Variants in TMEM201 observed in about 807,000 individuals in gnomAD.
TMEM201 encodes transmembrane protein 201.
In TMEM201, 26 loss-of-function variants were observed where a neutral mutation model predicts 63.4. The ratio of observed to expected loss-of-function variants is 0.41; its 90% CI spans 0.30 to 0.57. The LOEUF (loss-of-function observed/expected upper bound fraction) is 0.57. TMEM201 is among the 20% of genes least tolerant of loss of function. The pLI is 0.29. For missense variants in TMEM201, 794 were observed against 917.7 expected, an observed-to-expected ratio of 0.87 and a Z score of 1.74; for synonymous variants, 417 against 421.6, an observed-to-expected ratio of 0.99 and a Z score of 0.14.
Position 9,603,853 on chromosome 1 carries a change from G to A in TMEM201, c.1160+1581G>A, listed in dbSNP as rs1461846051. 1 of 985,350 alleles carries A rather than the reference G, an allele frequency of 1.0e-6. No homozygotes were observed. Among genetic ancestry groups the A allele is most frequent in the East Asian group, 1.1e-4 (1 of 8,826 alleles). 61.0% of individuals were successfully genotyped at this position (985,350 alleles called of 1,614,324 possible). A position where few individuals can be genotyped will look rare whatever the true frequency, so the allele number is the denominator to read the frequency against. ...GATGACCTGCGTGGCTTCAGACAAGGCCCCAGCGTTACTGGGCTCAGCTTG... is the reference window on the plus strand; with the variant it reads ...GATGACCTGCGTGGCTTCAGACAAGACCCCAGCGTTACTGGGCTCAGCTTG... On this transcript the variant is annotated intron_variant, in intron 6 of 10. Transcript: ENST00000340381. The surrounding 1 kb of genome is among the most constrained non-coding windows in gnomAD (Gnocchi z 4.5).
Position 9,588,921 on chromosome 1 carries a change from G to T in TMEM201, c.-10G>T. 3.2e-6 allele frequency: 4 copies of T among 1,260,962 alleles called. No homozygotes were observed. The highest frequency in any genetic ancestry group is 4.1e-6 in the Non-Finnish European group (4 of 982,750). The allele number at this position is 1,260,962 out of a possible 1,614,324, so 78.1% of individuals were successfully genotyped here. A position where few individuals can be genotyped will look rare whatever the true frequency, so the allele number is the denominator to read the frequency against. On this transcript the variant is annotated 5_prime_UTR_variant, in exon 1 of 11. Transcript: ENST00000340381. Reference sequence around the variant, plus strand: ...CCCTGCCGGCCTGCCGTCCTTCCACGCGGAGAGCCATGGAGGGAGTGAGCG... The same window carrying T: ...CCCTGCCGGCCTGCCGTCCTTCCACTCGGAGAGCCATGGAGGGAGTGAGCG...
rs1304963128 is a variant in TMEM201, at chr1:9,610,304, G to A, written c.1466-202G>A. 6.6e-6 allele frequency among the ~76,000 whole-genome samples: 1 copy of A among 152,142 alleles called. No homozygotes were observed. The highest frequency in any genetic ancestry group is 1.5e-5 in the Non-Finnish European group (1 of 68,010). On this transcript the variant is annotated intron_variant, in intron 8 of 10. Coordinates refer to ENST00000340381, the MANE Select transcript of TMEM201 (RefSeq NM_001130924.3). The surrounding 1 kb of genome is among the most constrained non-coding windows in gnomAD (Gnocchi z 4.9). ...GCAGAAGGCCATGGCTGAGGCTCCGGGATCTCTCCTCTCCCTCAGGTGCCT... is the reference window on the plus strand; with the variant it reads ...GCAGAAGGCCATGGCTGAGGCTCCGAGATCTCTCCTCTCCCTCAGGTGCCT...
intron 4 of TMEM201, 148 bp from the exon 5 acceptor site, chr1:9,600,957 C>T (rs112383376): frequency 1.4e-5 from 9 of 639,680 alleles, no homozygotes; most frequent in Non-Finnish European, 2.2e-5. Context: ...TGAGGCGGGC[C>T]GGTGGAACTG....
At chr1:9,593,113 C>A (rs1264936018) in intron 1 of TMEM201, among the ~76,000 whole-genome samples, 2 of 152,200 alleles carry the variant, frequency 1.3e-5, no homozygotes, top group African/African-American at 4.8e-5. Flanking sequence ...TCTCCCAGAG[C>A]AAAAACAGGG....
rs1030303591 is a variant in TMEM201 at position 9,602,384 on chromosome 1, C to T, written c.1160+112C>T. On this transcript the variant is annotated intron_variant, in intron 6 of 10. Transcript: ENST00000340381. ...TCCTGCCTCTTTTCACCTGCTCACGCCCTCCCACCCCCACCCTACAGCCCC... is the reference window on the plus strand; with the variant it reads ...TCCTGCCTCTTTTCACCTGCTCACGTCCTCCCACCCCCACCCTACAGCCCC... The T allele has an allele frequency of 9.4e-6, 14 of 1,487,548 alleles. No homozygotes were observed. In the Admixed American group the frequency reaches 2.4e-4, roughly 26 times the overall value. The allele number at this position is 1,487,548 out of a possible 1,614,324, so 92.1% of individuals were successfully genotyped here.
intron 6 of TMEM201, chr1:9,606,467 G>A (rs1278907712): frequency 6.6e-6 from 1 of 152,234 alleles, no homozygotes; most frequent in East Asian, 1.9e-4. Context: ...AACTTTTTTA[G>A]AGGGAAAGTA....
Position 9,604,526 on chromosome 1 carries a change from T to TGTCA in TMEM201, c.1160+2255_1160+2258dup. On this transcript the variant is annotated intron_variant, in intron 6 of 10. Transcript: ENST00000340381. This position sits in a 1 kb window ranked among gnomAD's most constrained non-coding sequence, Gnocchi z 4.1. Reference sequence around the variant, plus strand: ...TGTTGTGGCTTGTTGACCGGGAATGTGTCACCCCTGCCAGGGAACTCTTCT... The same window carrying TGTCA: ...TGTTGTGGCTTGTTGACCGGGAATGTGTCAGTCACCCCTGCCAGGGAACTCTTCT... 23 of 985,460 alleles carry TGTCA rather than the reference T, an allele frequency of 2.3e-5. No individual in the cohort carries two copies. Among genetic ancestry groups the TGTCA allele is most frequent in the Non-Finnish European group, 2.8e-5 (23 of 829,954 alleles). 61.0% of individuals were successfully genotyped at this position (985,460 alleles called of 1,614,324 possible).
At chr1:9,601,699 G>A (rs960481009) in intron 5 of TMEM201, among the ~76,000 whole-genome samples, 7 of 152,138 alleles carry the variant, frequency 4.6e-5, no homozygotes, top group Non-Finnish European at 7.4e-5. Flanking sequence ...TCTCCTCCTC[G>A]GGCTCTGTCA....
chr1:9,599,873 C>T (rs1243825370), intron 4 of TMEM201, among the ~76,000 whole-genome samples: 1 of 152,248 alleles, frequency 6.6e-6, no homozygotes, highest in Non-Finnish European at 1.5e-5. Flanking sequence ...GCTGACATTA[C>T]AGGCGTGAGC....
intron 10 of TMEM201, among the ~76,000 whole-genome samples, chr1:9,612,693 T>C (rs1404166743): frequency 6.6e-6 from 1 of 152,120 alleles, no homozygotes; most frequent in East Asian, 1.9e-4. Flanking sequence ...AAAGTGGCCA[T>C]TGTGGTCACT....
At chr1:9,611,952 C>G in intron 10 of TMEM201, 62 bp downstream of exon 10, 1 of 1,464,726 alleles carries the variant, frequency 6.8e-7, no homozygotes, top group Non-Finnish European at 9.0e-7. Context: ...ACCATCTCCC[C>G]CAGGGGGGTC....
chr1:9,589,815 G>A (rs967246119), intron 1 of TMEM201, among the ~76,000 whole-genome samples: 3 of 152,356 alleles, frequency 2.0e-5, no homozygotes, highest in Non-Finnish European at 4.4e-5. Context: ...CAGAGGGCAG[G>A]GGGGAAAGTG....
At chr1:9,602,454 C>T (rs1385857830) in intron 6 of TMEM201, 182 bp downstream of exon 6, 1 of 1,439,650 alleles carries the variant, frequency 6.9e-7, no homozygotes, top group Admixed American at 2.5e-5. Flanking sequence ...GTCAGTCTGC[C>T]CTGCCTTTTC....
Position 9,601,194 on chromosome 1 carries a change from G to T in TMEM201, c.696G>T (p.Ala232=), listed in dbSNP as rs751890846. The T allele has an allele frequency of 8.7e-6, 14 of 1,612,710 alleles. No homozygotes were observed. Among genetic ancestry groups the T allele is most frequent in the African/African-American group, 1.3e-5 (1 of 74,920 alleles). Residue 232 remains alanine (A), a synonymous_variant, in exon 5 of 11, where the codon GCG becomes GCT. Coordinates refer to ENST00000340381, the MANE Select transcript of TMEM201 (RefSeq NM_001130924.3). ...CCTGCGCCTTCCTACTGACCACCGC[G>T]CTGTATGGGGCCAGCGGACACTTCG... The part of the protein sequence containing the change: ...FLACAFLLTT[A]LYGASGHFAP...
At chr1:9,599,214 A>G (rs926931486) in intron 4 of TMEM201, among the ~76,000 whole-genome samples, 9 of 152,144 alleles carry the variant, frequency 5.9e-5, no homozygotes, top group Admixed American at 6.5e-5. Flanking sequence ...TGCTGGGATT[A>G]CAGGCGTGAG....
At chr1:9,591,799 C>T (rs545933244) in intron 1 of TMEM201, among the ~76,000 whole-genome samples, 168 of 152,326 alleles carry the variant, frequency 1.1e-3, no homozygotes, top group South Asian at 1.7e-3. Flanking sequence ...CCTGCTGCTG[C>T]GCACTCTCCC....
Position 9,605,909 on chromosome 1 carries a change from C to G in TMEM201, c.1161-1648C>G, listed in dbSNP as rs1412426279. On this transcript the variant is annotated intron_variant, in intron 6 of 10. Transcript: ENST00000340381. This position sits in a 1 kb window ranked among gnomAD's most constrained non-coding sequence, Gnocchi z 5.7. ...CTAGGACCCTCCTTTCACACATCCC[C>G]CAACGGTACTCTCAGGTCACTGGGG... 6.6e-6 allele frequency among the ~76,000 whole-genome samples: 1 copy of G among 152,202 alleles called. No homozygotes were observed. Among genetic ancestry groups the G allele is most frequent in the Admixed American group, 6.5e-5 (1 of 15,280 alleles).
intron 1 of TMEM201, among the ~76,000 whole-genome samples, chr1:9,593,012 G>T (rs1643947008): frequency 6.6e-6 from 1 of 152,234 alleles, no homozygotes; most frequent in African/African-American, 2.4e-5. Flanking sequence ...CCCACCAACT[G>T]TGGTTTGTCC....
chr1:9,602,523 C>T, intron 6 of TMEM201: 1 of 1,396,822 alleles, frequency 7.2e-7, no homozygotes, highest in Non-Finnish European at 9.3e-7. Flanking sequence ...CTGCTGCCAC[C>T]TCTCTGGCCA....
Sources: allele counts gnomAD v4.1 joint callset (sites outside exome capture counted in the v4.1 genomes callset), GRCh38; gene constraint gnomAD v4.1.1; non-coding constraint Gnocchi (gnomAD v3.1); transcripts MANE v1.5; gene names NCBI Gene and HGNC (gene_info 2026-07-23, HGNC 2026-07-21).